SFI1: variants seen among roughly 807,000 people sequenced by gnomAD.
SFI1 encodes the protein protein SFI1 homolog.
SFI1 carries 195 observed loss-of-function variants against 207.5 expected under a neutral mutation model. The observed-to-expected ratio is 0.94, with a 90% CI of 0.84 to 1.06. SFI1 has a LOEUF of 1.06. Ranked by LOEUF, SFI1 falls within the 50% of genes least tolerant of loss-of-function variation. The pLI, the probability that SFI1 is intolerant of heterozygous loss-of-function variation, is 0.00. For synonymous variants in SFI1, 630 were observed against 598.9 expected (o/e 1.05, Z -0.76); for missense variants, 1,634 against 1,588.0 (o/e 1.03, Z -0.49).
chr22:31,614,146 G>C (rs915873252), intron 27 of SFI1: 12 of 434,578 alleles, frequency 2.8e-5, no homozygotes, highest in Middle Eastern at 6.1e-4. Flanking sequence ...CTGCTGACAC[G>C]ATCTTTTCCG....
In SFI1 at chr22:31,573,124, G is replaced by A. The variant is rs776367799; in HGVS notation, c.832G>A (p.Val278Met). The stretch of plus-strand genomic sequence containing the variant: ...GGAGAAACAAAAGGTTGTCTCTGCA[G>A]TGAAACATCATCAGCACTGGCAAAA... ...QKEKQKVVSA[V>M]KHHQHWQKRR... Residue 278 changes from valine to methionine, a missense_variant, in exon 9 of 33, where the codon GTG (valine) becomes ATG (methionine). By Grantham distance (21) the Val-to-Met change is conservative. Coordinates refer to ENST00000400288, the MANE Select transcript of SFI1 (RefSeq NM_001007467.3). The A allele has an allele frequency of 7.7e-5, 124 of 1,613,896 alleles. No individual in the cohort carries two copies. The highest frequency in any genetic ancestry group is 6.6e-4 in the Middle Eastern group (4 of 6,084).
At chr22:31,535,534 C>T (rs188336905) in intron 4 of SFI1, among the ~76,000 whole-genome samples, 4 of 140,904 alleles carry the variant, frequency 2.8e-5, no homozygotes, top group East Asian at 4.3e-4. Context: ...GACAGAGTCT[C>T]GCTCTGTTGC....
At chr22:31,602,314 A>G (rs1338479600) in intron 16 of SFI1, 21 bp downstream of exon 16, 1 of 1,605,460 alleles carries the variant, frequency 6.2e-7, no homozygotes, top group East Asian at 2.2e-5. Flanking sequence ...GTCCCTGAGG[A>G]GATGTGTGGA....
chr22:31,612,947 G>C, intron 24 of SFI1, 195 bp from the exon 25 acceptor site: 1 of 591,210 alleles, frequency 1.7e-6, no homozygotes, highest in Admixed American at 3.0e-5. Flanking sequence ...CTTTCATGAA[G>C]GTCATTCCTC....
chr22:31,615,436 T>A (rs1178982392), intron 29 of SFI1, 157 bp downstream of exon 29: 6 of 596,064 alleles, frequency 1.0e-5, no homozygotes, highest in Non-Finnish European at 1.6e-5. Context: ...GCACACCAGG[T>A]CCAAGGGCCA....
intron 15 of SFI1, among the ~76,000 whole-genome samples, chr22:31,598,688 A>AT (rs889917623): frequency 8.8e-6 from 1 of 113,244 alleles, no homozygotes; most frequent in Non-Finnish European, 1.7e-5. Flanking sequence ...GAGTGCTGGG[A>AT]TTACAGGCAT....
intron 1 of SFI1, among the ~76,000 whole-genome samples, chr22:31,503,498 T>C (rs2054135894): frequency 6.6e-6 from 1 of 152,078 alleles, no homozygotes; most frequent in South Asian, 2.1e-4. Context: ...GGTTCGTTCC[T>C]TTGTATTCTT....
chr22:31,570,765 G>GA (rs1388639936), intron 8 of SFI1, among the ~76,000 whole-genome samples: 1 of 152,074 alleles, frequency 6.6e-6, no homozygotes, highest in Non-Finnish European at 1.5e-5. Flanking sequence ...TAGGGTGGGT[G>GA]AAAAAATAAA....
At chr22:31,513,304 A>C (rs560864331) in intron 2 of SFI1, among the ~76,000 whole-genome samples, 4 of 151,852 alleles carry the variant, frequency 2.6e-5, no homozygotes, top group African/African-American at 9.7e-5. Flanking sequence ...GACTTCAGTA[A>C]TGCACCACCA....
Position 31,602,198 on chromosome 22 carries a change from TC to T in SFI1, c.1545-12del, listed in dbSNP as rs2068230419. On this transcript the variant is annotated splice_polypyrimidine_tract_variant and intron_variant, in intron 15 of 32. Transcript: ENST00000400288. ...GTTTGTTTTAAGTGCTTTACATTCT[TC>T]CTTGTTTTTTAGGGAGACATTAGAG... 1 of 1,606,042 alleles carries T rather than the reference TC, an allele frequency of 6.2e-7. No individual in the cohort carries two copies. The highest frequency in any genetic ancestry group is 1.7e-5 in the Admixed American group (1 of 60,004).
intron 8 of SFI1, among the ~76,000 whole-genome samples, chr22:31,571,264 A>C (rs2062915455): frequency 6.6e-6 from 1 of 152,132 alleles, no homozygotes; most frequent in South Asian, 2.1e-4. Flanking sequence ...GAAAAGGTGG[A>C]TACTGTCTGT....
intron 23 of SFI1, 138 bp downstream of exon 23, chr22:31,611,441 C>T (rs1340406490): frequency 8.7e-7 from 1 of 1,153,250 alleles, no homozygotes; most frequent in Admixed American, 2.9e-5. Context: ...GTTTGGGGTC[C>T]TGTAAGACAA....
At position 31,602,782 on chromosome 22, in the gene SFI1, CAG is replaced by C. The variant is rs1444830630; in HGVS notation, c.1805_1805+1del. 5 of 1,612,894 alleles carry C rather than the reference CAG, an allele frequency of 3.1e-6. No individual in the cohort carries two copies. Among genetic ancestry groups the C allele is most frequent in the Non-Finnish European group, 4.2e-6 (5 of 1,179,764 alleles). Reference sequence around the variant, plus strand: ...AGGGAAAGTGCCCAAGGGCTCAGAACAGAGTGAGTGGCCAGTTCTGCCTTACA... The same window carrying C: ...AGGGAAAGTGCCCAAGGGCTCAGAACAGTGAGTGGCCAGTTCTGCCTTACA... On this transcript the variant is annotated frameshift_variant and splice_region_variant, in exon 17 of 33. Transcript: ENST00000400288. LOFTEE classifies it high-confidence loss of function.
chr22:31,533,169 A>G (rs1368633579), intron 4 of SFI1, among the ~76,000 whole-genome samples: 1 of 152,172 alleles, frequency 6.6e-6, no homozygotes, highest in African/African-American at 2.4e-5. Flanking sequence ...CTGAAGAATA[A>G]CTGAAGTGAC....
At chr22:31,611,521 CA>C (rs2147258368) in intron 23 of SFI1, among the ~76,000 whole-genome samples, 2 of 152,314 alleles carry the variant, frequency 1.3e-5, no homozygotes, top group East Asian at 3.9e-4. Context: ...CAGTGTCTCC[CA>C]GGGAAGACGG....
rs772735368 is a variant in SFI1, at chr22:31,582,204, T to TATATATATATATATATATA, written c.1249-1671_1249-1670insATATATATATATATATATA. Among the ~76,000 whole-genome samples the TATATATATATATATATATA allele has an allele frequency of 5.6e-4, 9 of 15,998 alleles. 1 individual carries two copies. Among genetic ancestry groups the TATATATATATATATATATA allele is most frequent in the Admixed American group, 1.1e-3 (1 of 898 alleles). The allele number at this position is 15,998 out of a possible 152,430, so 10.5% of individuals were successfully genotyped here. A position where few individuals can be genotyped will look rare whatever the true frequency, so the allele number is the denominator to read the frequency against. On this transcript the variant is annotated intron_variant, in intron 12 of 32. Transcript: ENST00000400288. The stretch of plus-strand genomic sequence containing the variant: ...CCCCCAACAACACTTCTTTATTACA[T>TATATATATATATATATATA]TTTATATATATATATATATATATAT...
chr22:31,583,842 G>A, intron 12 of SFI1, 33 bp from the exon 13 acceptor site: 1 of 1,580,796 alleles, frequency 6.3e-7, no homozygotes, highest in Non-Finnish European at 8.7e-7. Context: ...TTTCATCTCA[G>A]TACATTTCCA....
intron 6 of SFI1, among the ~76,000 whole-genome samples, chr22:31,552,953 C>T (rs1044413999): frequency 2.0e-5 from 3 of 151,928 alleles, no homozygotes; most frequent in African/African-American, 4.8e-5. Flanking sequence ...AAGTAATCCT[C>T]CCACCTCAGA....
At chr22:31,573,573 G>A (rs922569566) in intron 9 of SFI1, among the ~76,000 whole-genome samples, 9 of 151,920 alleles carry the variant, frequency 5.9e-5, no homozygotes, top group Admixed American at 1.3e-4. Flanking sequence ...TAGTAGTTGG[G>A]ATCACAGGTG....
Sources: gnomAD v4.1 joint callset for allele counts (sites outside exome capture counted in the v4.1 genomes callset) on GRCh38, gnomAD v4.1.1 for gene constraint, MANE v1.5 for transcripts, NCBI Gene and HGNC (gene_info 2026-07-23, HGNC 2026-07-21) for gene names.